REEP1: variants seen among roughly 807,000 people sequenced by gnomAD.
REEP1 encodes the protein receptor expression-enhancing protein 1.
Under a neutral mutation model 40.3 loss-of-function variants are expected in REEP1, and 22 were observed. That is an observed-to-expected ratio of 0.55 (90% confidence interval 0.39 to 0.78). REEP1 has a LOEUF of 0.78. Ranked by LOEUF, REEP1 falls within the 30% of genes least tolerant of loss-of-function variation. The pLI, the probability that REEP1 is intolerant of heterozygous loss-of-function variation, is 0.00. For missense variants in REEP1, 280 were observed against 361.1 expected, an observed-to-expected ratio of 0.78 and a Z score of 1.82; for synonymous variants, 116 against 139.2, an observed-to-expected ratio of 0.83 and a Z score of 1.17.
At chr2:86,337,699 G>C (rs1383985941), upstream of REEP1, 3 of 981,222 alleles carry the variant, frequency 3.1e-6, no homozygotes, top group Non-Finnish European at 2.4e-6. This position sits in a 1 kb window ranked among gnomAD's most constrained non-coding sequence, Gnocchi z 5.8. Context: ...CGGCGGCGGC[G>C]GCCCCAGCCC....
rs1338562108 is a variant in REEP1 at position 86,285,424 on chromosome 2, T to C, written c.33-3182A>G. Among the ~76,000 whole-genome samples, 6 of 152,324 alleles carry C rather than the reference T, an allele frequency of 3.9e-5. No individual in the cohort carries two copies. The East Asian group carries it at 1.2e-3, about 29-fold the overall frequency. On this transcript the variant is annotated intron_variant, in intron 1 of 8. Coordinates refer to ENST00000538924, the MANE Select transcript of REEP1 (RefSeq NM_001371279.1). ...CAATAATAAAACATTTAAAATAATA[T>C]TATTATATCATTGAGTGTTCACTAA...
intron 6 of REEP1, among the ~76,000 whole-genome samples, chr2:86,230,764 A>G (rs149238888): frequency 4.1e-4 from 62 of 152,280 alleles, no homozygotes; most frequent in South Asian, 8.3e-4. Context: ...CCTTGTGTAG[A>G]TAAGAAATCT....
At chr2:86,311,066 G>A (rs148934467) in intron 1 of REEP1, among the ~76,000 whole-genome samples, 5 of 152,256 alleles carry the variant, frequency 3.3e-5, no homozygotes, top group Non-Finnish European at 7.4e-5. Flanking sequence ...ATGGCACTCT[G>A]GAGAGGGTAG....
intron 1 of REEP1, among the ~76,000 whole-genome samples, chr2:86,306,354 G>C (rs1679478060): frequency 6.6e-6 from 1 of 152,040 alleles, no homozygotes; most frequent in South Asian, 2.1e-4. Context: ...AAAACACAAA[G>C]GCTCCTCTTC....
chr2:86,265,526 A>T (rs1677085300), intron 2 of REEP1, among the ~76,000 whole-genome samples: 1 of 152,210 alleles, frequency 6.6e-6, no homozygotes, highest in African/African-American at 2.4e-5. Flanking sequence ...CTACAACCTA[A>T]GTCTATCAAT....
rs1674013456 is a variant in REEP1 at position 86,214,782 on chromosome 2, G to T, written c.*2257C>A. On this transcript the variant is annotated 3_prime_UTR_variant, in exon 9 of 9. Coordinates refer to ENST00000538924, the MANE Select transcript of REEP1 (RefSeq NM_001371279.1). Reference sequence around the variant, plus strand: ...ATAGTTACATTTACATTAAGACAGAGTTTGGATACCTTTATATTTTTCAAT... The same window carrying T: ...ATAGTTACATTTACATTAAGACAGATTTTGGATACCTTTATATTTTTCAAT... The T allele has an allele frequency of 6.6e-6, 1 of 152,614 alleles. No individual in the cohort carries two copies. Among genetic ancestry groups the T allele is most frequent in the Non-Finnish European group, 1.5e-5 (1 of 68,052 alleles). The allele number at this position is 152,614 out of a possible 1,614,324, so 9.5% of individuals were successfully genotyped here. A position where few individuals can be genotyped will look rare whatever the true frequency, so the allele number is the denominator to read the frequency against.
chr2:86,253,345 T>C lies in REEP1; in HGVS notation c.304-1275A>G, dbSNP rs147749978. Among the ~76,000 whole-genome samples the C allele has an allele frequency of 5.0e-4, 75 of 150,930 alleles. 1 individual carries two copies. The East Asian group carries it at 8.0e-3, about 16-fold the overall frequency. ...CTCATTTCAGAGTTCGGTAAGACAA[T>C]GACATTTGGCCTTAGTCAAGTTCTG... On this transcript the variant is annotated intron_variant, in intron 4 of 8. Coordinates refer to ENST00000538924, the MANE Select transcript of REEP1 (RefSeq NM_001371279.1).
intron 8 of REEP1, among the ~76,000 whole-genome samples, chr2:86,217,666 A>ATTTTTTTTTTTTTTTTTTT (rs10668934): frequency 2.5e-4 from 28 of 112,892 alleles, no homozygotes; most frequent in African/African-American, 8.7e-4. Context: ...GGGATTTCAG[A>ATTTTTTTTTTTTTTTTTTT]TTTTTTTTTT....
Position 86,316,135 on chromosome 2 carries a change from A to T in REEP1, c.32+21344T>A, listed in dbSNP as rs144530123. On this transcript the variant is annotated intron_variant, in intron 1 of 8. Transcript: ENST00000538924. Reference sequence around the variant, plus strand: ...ATCTTGAGCTGCCAGATCAAGCCTCACTTGAAATCAGCACCATTCTAGACT... The same window carrying T: ...ATCTTGAGCTGCCAGATCAAGCCTCTCTTGAAATCAGCACCATTCTAGACT... Among the ~76,000 whole-genome samples, 766 of 152,288 alleles carry T rather than the reference A, an allele frequency of 5.0e-3. 3 individuals are homozygous for T. The highest frequency in any genetic ancestry group is 0.017 in the African/African-American group (725 of 41,562).
At chr2:86,269,841 T>TAA (rs538391174) in intron 2 of REEP1, among the ~76,000 whole-genome samples, 2 of 147,422 alleles carry the variant, frequency 1.4e-5, no homozygotes, top group African/African-American at 5.0e-5. Flanking sequence ...ATTTAAAATA[T>TAA]AAAAAAAAAA....
intron 1 of REEP1, among the ~76,000 whole-genome samples, chr2:86,316,656 CG>C (rs1680027418): frequency 6.6e-6 from 1 of 151,490 alleles, no homozygotes; most frequent in African/African-American, 2.4e-5. Flanking sequence ...GTCAGGAGTT[CG>C]AGACCAGCCT....
chr2:86,326,202 A>G (rs1680490431), intron 1 of REEP1, among the ~76,000 whole-genome samples: 1 of 152,194 alleles, frequency 6.6e-6, no homozygotes, highest in African/African-American at 2.4e-5. Flanking sequence ...AAACTTCTCA[A>G]AGATGGAATC....
intron 1 of REEP1, among the ~76,000 whole-genome samples, chr2:86,325,079 G>A (rs998903557): frequency 1.3e-5 from 2 of 151,970 alleles, no homozygotes; most frequent in Non-Finnish European, 2.9e-5. Flanking sequence ...GCCCAAAAAC[G>A]GAGACAAAAT....
intron 4 of REEP1, among the ~76,000 whole-genome samples, chr2:86,252,571 G>T (rs913573037): frequency 6.6e-6 from 1 of 152,210 alleles, no homozygotes; most frequent in Non-Finnish European, 1.5e-5. Context: ...ATTAAATGAG[G>T]TAATTCCAGT....
At chr2:86,262,029 C>A (rs903820169) in intron 3 of REEP1, among the ~76,000 whole-genome samples, 3 of 152,226 alleles carry the variant, frequency 2.0e-5, no homozygotes, top group African/African-American at 7.2e-5. Flanking sequence ...TGCTGACCCT[C>A]TCCCCACTAT....
intron 1 of REEP1, among the ~76,000 whole-genome samples, chr2:86,303,415 C>T (rs1348405231): frequency 3.3e-5 from 5 of 151,924 alleles, no homozygotes; most frequent in Non-Finnish European, 7.4e-5. Context: ...GACAGGGTTT[C>T]ACCATGTTGG....
chr2:86,219,052 C>T (rs1256910758), intron 8 of REEP1, among the ~76,000 whole-genome samples: 1 of 152,138 alleles, frequency 6.6e-6, no homozygotes, highest in East Asian at 1.9e-4. Flanking sequence ...TGGTGACTCC[C>T]TACCCACATC....
At chr2:86,224,813 T>C (rs1013899451) in intron 7 of REEP1, among the ~76,000 whole-genome samples, 2 of 152,148 alleles carry the variant, frequency 1.3e-5, no homozygotes, top group Non-Finnish European at 2.9e-5. Flanking sequence ...TCTATTGAAA[T>C]GCACTGGAAA....
intron 1 of REEP1, among the ~76,000 whole-genome samples, chr2:86,301,242 G>T (rs1679245054): frequency 6.6e-6 from 1 of 152,186 alleles, no homozygotes; most frequent in East Asian, 1.9e-4. Flanking sequence ...GGAAACCACA[G>T]CAGGCTTTTC....
Sources: gnomAD v4.1 joint callset for allele counts (sites outside exome capture counted in the v4.1 genomes callset) on GRCh38, gnomAD v4.1.1 for gene constraint, Gnocchi (gnomAD v3.1) non-coding constraint, MANE v1.5 for transcripts, NCBI Gene and HGNC (gene_info 2026-07-23, HGNC 2026-07-21) for gene names.